The following ARHGAP6 variants were observed in gnomAD, a reference collection of about 807,000 sequenced individuals.
ARHGAP6 encodes the protein Rho GTPase activating protein 6.
ARHGAP6 carries 16 observed loss-of-function variants against 55.7 expected under a neutral mutation model. The observed-to-expected ratio is 0.29, with a 90% confidence interval of 0.19 to 0.44. ARHGAP6 has a LOEUF of 0.44. Among genes scored for constraint, ARHGAP6 ranks in the 20% least tolerant of loss-of-function variants. ARHGAP6 has a pLI of 1.00. For missense variants in ARHGAP6, 698 were observed against 808.9 expected (o/e 0.86, Z 1.66); for synonymous variants, 382 against 360.9 (o/e 1.06, Z -0.66).
chrX:11,346,764 A>AAAGAGAG (rs774843654), intron 1 of ARHGAP6, among the ~76,000 whole-genome samples: 1 of 106,109 alleles, frequency 9.4e-6, no homozygotes, highest in African/African-American at 3.4e-5. Flanking sequence ...AGAGAGAAAG[A>AAAGAGAG]AAAGAAAAGA....
intron 1 of ARHGAP6, among the ~76,000 whole-genome samples, chrX:11,658,038 G>A (rs935033765): frequency 2.7e-5 from 3 of 112,045 alleles, no homozygotes; most frequent in Non-Finnish European, 3.8e-5. Flanking sequence ...AAAAGCAGTC[G>A]TGGTCACTTA....
At chrX:11,326,286 G>A (rs555030467) in intron 1 of ARHGAP6, among the ~76,000 whole-genome samples, 7 of 109,959 alleles carry the variant, frequency 6.4e-5, no homozygotes, top group Middle Eastern at 4.7e-3. Flanking sequence ...GCACCACCAC[G>A]CCCAGCTAAT....
rs1424211819 is a variant in ARHGAP6 at position 11,172,619 on chromosome X, G to T, written c.1630-2935C>A. Among the ~76,000 whole-genome samples the T allele has an allele frequency of 2.7e-5, 3 of 111,829 alleles. No individual in the cohort carries two copies. The East Asian group carries it at 8.4e-4, about 31-fold the overall frequency. ...CTTTCCTTCTCCTGTTGCTATTCTG[G>T]GAATGGAATACAACCCATCTGTAAA... is the stretch of plus-strand genomic sequence containing the variant. On this transcript the variant is annotated intron_variant, in intron 8 of 12. Transcript: ENST00000337414.
intron 2 of ARHGAP6, among the ~76,000 whole-genome samples, chrX:11,254,032 CA>C (rs1335894821): frequency 9.0e-6 from 1 of 111,729 alleles, no homozygotes; most frequent in Non-Finnish European, 1.9e-5. Flanking sequence ...AAACAAACAT[CA>C]GCCAATCAGG....
intron 1 of ARHGAP6, among the ~76,000 whole-genome samples, chrX:11,265,184 C>T (rs1247631991): frequency 8.9e-6 from 1 of 112,058 alleles, no homozygotes; most frequent in Non-Finnish European, 1.9e-5. Context: ...ATAATGAAAG[C>T]CAGACAGTGT....
At chrX:11,487,210 G>T (rs778160887) in intron 1 of ARHGAP6, among the ~76,000 whole-genome samples, 1 of 112,199 alleles carries the variant, frequency 8.9e-6, no homozygotes, top group African/African-American at 3.2e-5. Context: ...TAAATACATA[G>T]ATTGCCCTGG....
chrX:11,610,772 A>T (rs191624777), intron 1 of ARHGAP6, among the ~76,000 whole-genome samples: 26 of 111,979 alleles, frequency 2.3e-4, no homozygotes, highest in African/African-American at 6.8e-4. Flanking sequence ...AGAATATTTC[A>T]TCGCCACACA....
intron 1 of ARHGAP6, among the ~76,000 whole-genome samples, chrX:11,305,065 C>T (rs917490947): frequency 9.1e-6 from 1 of 110,450 alleles, no homozygotes; most frequent in African/African-American, 3.3e-5. Context: ...GGATCACAGG[C>T]GCGAGCCACT....
intron 1 of ARHGAP6, among the ~76,000 whole-genome samples, chrX:11,259,096 A>AT (rs1009127090): frequency 1.8e-5 from 2 of 111,409 alleles, no homozygotes; most frequent in South Asian, 3.8e-4. Context: ...AATTCTAATT[A>AT]TTTTTTGTAG....
intron 1 of ARHGAP6, among the ~76,000 whole-genome samples, chrX:11,585,602 C>T (rs2051723853): frequency 8.9e-6 from 1 of 112,345 alleles, no homozygotes; most frequent in African/African-American, 3.2e-5. Flanking sequence ...CTGTTCATGT[C>T]CTTTGCCCAC....
chrX:11,623,366 C>T (rs1432011111), intron 1 of ARHGAP6, among the ~76,000 whole-genome samples: 1 of 110,379 alleles, frequency 9.1e-6, no homozygotes, highest in Non-Finnish European at 1.9e-5. Context: ...TAAACTTAAC[C>T]AAAAAGCAAA....
chrX:11,445,561 C>G (rs2050084546), intron 1 of ARHGAP6, among the ~76,000 whole-genome samples: 1 of 112,097 alleles, frequency 8.9e-6, no homozygotes, highest in Admixed American at 9.5e-5. Flanking sequence ...AAGCCTAGGG[C>G]AGCAGCATGC....
intron 1 of ARHGAP6, among the ~76,000 whole-genome samples, chrX:11,493,224 T>C (rs1449490937): frequency 8.9e-6 from 1 of 112,301 alleles, no homozygotes; most frequent in South Asian, 3.7e-4. Flanking sequence ...GCACTGAAAA[T>C]GTTTGCAAAA....
intron 1 of ARHGAP6, among the ~76,000 whole-genome samples, chrX:11,588,037 G>T (rs2051756389): frequency 8.9e-6 from 1 of 111,996 alleles, no homozygotes; most frequent in African/African-American, 3.2e-5. Flanking sequence ...GTTAAAAAGA[G>T]AAATATGCTT....
chrX:11,307,209 G>A (rs2048247364), intron 1 of ARHGAP6, among the ~76,000 whole-genome samples: 1 of 110,741 alleles, frequency 9.0e-6, no homozygotes, highest in African/African-American at 3.3e-5. Context: ...ACAGCCCACT[G>A]AACACACACT....
intron 1 of ARHGAP6, among the ~76,000 whole-genome samples, chrX:11,461,045 A>G (rs1185764710): frequency 1.8e-5 from 2 of 111,950 alleles, no homozygotes; most frequent in Non-Finnish European, 3.8e-5. Flanking sequence ...AGGGTCCTCC[A>G]AACTGAGATG....
intron 2 of ARHGAP6, among the ~76,000 whole-genome samples, chrX:11,215,024 G>T (rs1287218844): frequency 1.8e-5 from 2 of 113,449 alleles, no homozygotes; most frequent in African/African-American, 6.4e-5. Flanking sequence ...AGGGCAGGCC[G>T]GGGTGGGCCA....
At chrX:11,215,480 G>A (rs1602884125) in intron 2 of ARHGAP6, among the ~76,000 whole-genome samples, 1 of 113,077 alleles carries the variant, frequency 8.8e-6, no homozygotes, top group African/African-American at 3.2e-5. Flanking sequence ...TATTCTCCGC[G>A]ATCCCTCCTG....
At chrX:11,289,697 A>G (rs909299555) in intron 1 of ARHGAP6, among the ~76,000 whole-genome samples, 2 of 112,102 alleles carry the variant, frequency 1.8e-5, no homozygotes, top group African/African-American at 6.5e-5. Flanking sequence ...TTTAAATGTT[A>G]CTTCATAGGC....
Sources: gnomAD v4.1 joint callset for allele counts (sites outside exome capture counted in the v4.1 genomes callset) on GRCh38, gnomAD v4.1.1 for gene constraint, MANE v1.5 for transcripts, NCBI Gene and HGNC (gene_info 2026-07-23, HGNC 2026-07-21) for gene names.